The following IKBKG variants were observed in gnomAD, a reference collection of about 807,000 sequenced individuals.
The protein encoded by IKBKG is NF-kappa-B essential modulator.
IKBKG carries 2 observed loss-of-function variants against 13.7 expected under a neutral mutation model. The ratio of observed to expected loss-of-function variants is 0.15; its 90% CI spans 0.06 to 0.46. The LOEUF is 0.46. IKBKG is among the 20% of genes least tolerant of loss of function. IKBKG has a pLI of 0.98. For missense variants in IKBKG, 53 were observed against 150.3 expected (o/e 0.35, Z 3.39); for synonymous variants, 22 against 64.4 (o/e 0.34, Z 3.15).
chrX:154,548,047 G>C, intron 1 of IKBKG: 10 of 754,893 alleles, frequency 1.3e-5, no homozygotes, highest in Non-Finnish European at 1.6e-5. Flanking sequence ...TATCGAGGTC[G>C]TTAAATTCTT....
chrX:154,551,938 G>A (rs1557235134), intron 1 of IKBKG, 50 bp from the exon 2 acceptor site: 1 of 939,695 alleles, frequency 1.1e-6, no homozygotes, highest in Non-Finnish European at 1.4e-6. Context: ...TTTTTCTGCT[G>A]GGTAAGGATG....
At chrX:154,544,556 A>G (rs1440336506), upstream of IKBKG, among the ~76,000 whole-genome samples, 1 of 112,260 alleles carries the variant, frequency 8.9e-6, no homozygotes, top group Non-Finnish European at 1.9e-5. Context: ...CGGCCTCCCA[A>G]AGTGCTGGGA....
At position 154,542,172 on chromosome X, in the gene IKBKG, G is replaced by A. The variant is rs2070527558; in HGVS notation, c.-186-110G>A. The A allele has an allele frequency of 7.0e-6, 4 of 573,306 alleles. No individual in the cohort carries two copies. The East Asian group carries it at 1.5e-4, about 22-fold the overall frequency. The allele number at this position is 573,306 out of a possible 1,213,427, so 47.2% of individuals were successfully genotyped here. A position where few individuals can be genotyped will look rare whatever the true frequency, so the allele number is the denominator to read the frequency against. ...TCAGACCAATGGGGAAGTCAGCCCA[G>A]AAATGTTCTGAGGAAAGGGGAGGCG... On this transcript the variant is annotated intron_variant, in intron 1 of 10. Coordinates refer to the IKBKG transcript ENST00000422680.
At chrX:154,551,881 T>C in intron 1 of IKBKG, 107 bp from the exon 2 acceptor site, 1 of 584,085 alleles carries the variant, frequency 1.7e-6, no homozygotes, top group Non-Finnish European at 2.5e-6. Flanking sequence ...ATACACTAGG[T>C]GAATTATCAG....
intron 1 of IKBKG, among the ~76,000 whole-genome samples, chrX:154,550,750 C>T (rs2070906232): frequency 9.0e-6 from 1 of 111,333 alleles, no homozygotes; most frequent in Non-Finnish European, 1.9e-5. Context: ...AAGCGATTCT[C>T]TTGCTTCGGC....
At chrX:154,546,051 G>A, upstream of IKBKG, 3 of 1,210,986 alleles carry the variant, frequency 2.5e-6, no homozygotes, top group Middle Eastern at 2.3e-4. Flanking sequence ...CACCCATGAT[G>A]ATGAATATGT....
chrX:154,548,203 C>A, intron 1 of IKBKG: 1 of 547,172 alleles, frequency 1.8e-6, no homozygotes, highest in Non-Finnish European at 2.2e-6. Flanking sequence ...AGAGGAATAG[C>A]ACGGAGGTCA....
At chrX:154,545,891 G>T (rs1230115471), upstream of IKBKG, 2 of 707,622 alleles carry the variant, frequency 2.8e-6, no homozygotes, top group African/African-American at 2.1e-5. Flanking sequence ...AGGTAGAGCC[G>T]GGATGATCCT....
upstream of IKBKG, among the ~76,000 whole-genome samples, chrX:154,545,162 C>T (rs977918333): frequency 1.8e-5 from 2 of 111,521 alleles, no homozygotes; most frequent in Non-Finnish European, 3.8e-5. Context: ...CCTCCCTCCC[C>T]TCCCATGGAA....
upstream of IKBKG, among the ~76,000 whole-genome samples, chrX:154,542,954 T>C (rs2070563512): frequency 8.9e-6 from 1 of 112,132 alleles, no homozygotes; most frequent in African/African-American, 3.2e-5. Context: ...AAGTACCCAA[T>C]CGCTGTCTGC....
chrX:154,546,123 C>G (rs1050827), upstream of IKBKG: 1 of 1,212,048 alleles, frequency 8.3e-7, no homozygotes, highest in Non-Finnish European at 1.1e-6. Context: ...TCCCGCACAC[C>G]TGGGTCCGGC....
chrX:154,552,850 G>T (rs1456665082), intron 2 of IKBKG, among the ~76,000 whole-genome samples: 1 of 112,315 alleles, frequency 8.9e-6, no homozygotes, highest in African/African-American at 3.2e-5. Flanking sequence ...GTCGTCATGG[G>T]TTCAGGGCTC....
chrX:154,545,921 G>A (rs1406631688), upstream of IKBKG: 15 of 950,274 alleles, frequency 1.6e-5, no homozygotes, highest in Non-Finnish European at 2.1e-5. Flanking sequence ...GCAGGAGCGG[G>A]AGGAGGAGCT....
chrX:154,548,908 T>G, intron 1 of IKBKG, among the ~76,000 whole-genome samples: 1 of 110,932 alleles, frequency 9.0e-6, no homozygotes, highest in Middle Eastern at 4.7e-3. Flanking sequence ...CTTCAACAAT[T>G]GAAGGTATCA....
upstream of IKBKG, chrX:154,547,265 G>C: frequency 2.9e-6 from 2 of 696,482 alleles, no homozygotes; most frequent in Non-Finnish European, 3.4e-6. Context: ...CGGCTCCTGG[G>C]CGGGGCCTTC....
chrX:154,546,750 A>C (rs1479839647), upstream of IKBKG: 10 of 1,076,526 alleles, frequency 9.3e-6, no homozygotes, highest in African/African-American at 1.9e-4. Context: ...GCGGGACAGT[A>C]CGCTCCTCCG....
chrX:154,547,826 C>T (rs2070794076), intron 1 of IKBKG, 81 bp downstream of exon 1: 1 of 754,917 alleles, frequency 1.3e-6, no homozygotes, highest in South Asian at 6.7e-5. Context: ...CGTTCAGGCT[C>T]CCCCCTCTTT....
intron 1 of IKBKG, among the ~76,000 whole-genome samples, chrX:154,551,082 G>T (rs1466617167): frequency 9.2e-6 from 1 of 109,036 alleles, no homozygotes; most frequent in Non-Finnish European, 1.9e-5. Context: ...AAAGTGCTGG[G>T]ATTACAGGCG....
chrX:154,542,308 G>C, exon 2 of IKBKG: 1 of 1,178,499 alleles, frequency 8.5e-7, no homozygotes, highest in Non-Finnish European at 1.1e-6. Flanking sequence ...CCAGAGAAGT[G>C]AGGACCCCGC....
Sources: allele counts gnomAD v4.1 joint callset (sites outside exome capture counted in the v4.1 genomes callset), GRCh38; gene constraint gnomAD v4.1.1; transcripts MANE v1.5; gene names NCBI Gene and HGNC (gene_info 2026-07-23, HGNC 2026-07-21).